The following WEE2 variants were observed in gnomAD, a reference collection of about 807,000 sequenced individuals.
The protein encoded by WEE2 is WEE2 oocyte meiosis inhibiting kinase.
In WEE2, 50 loss-of-function variants were observed where a neutral mutation model predicts 60.1. The observed-to-expected ratio is 0.83, with a 90% CI of 0.66 to 1.05. The LOEUF is 1.05. WEE2 is among the 50% of genes least tolerant of loss of function. WEE2 has a pLI of 0.00. For synonymous variants in WEE2, 240 were observed against 241.0 expected, an observed-to-expected ratio of 1.00 and a Z score of 0.04; for missense variants, 631 against 684.3, an observed-to-expected ratio of 0.92 and a Z score of 0.87.
Position 141,729,665 on chromosome 7 carries a change from G to A in WEE2, c.1670G>A (p.Ser557Asn). The A allele has an allele frequency of 6.2e-7, 1 of 1,610,418 alleles. No homozygotes were observed. Among genetic ancestry groups the A allele is most frequent in the Non-Finnish European group, 8.5e-7 (1 of 1,178,928 alleles). The change falls in exon 11 of 12, where the codon AGC becomes AAC. Residue 557 changes from serine (S) to asparagine (N), a missense_variant. By Grantham distance (46) the Ser-to-Asn change is conservative. Transcript: ENST00000397541. ...GGAGGAAAGAGTGCAAGGTCTTCAA[G>A]CTTTACCTGTGAGTAATCTTCCCCT... Reference protein sequence around the residue: ...LVGGKSARSSSFTSGEREPLH With the variant: ...LVGGKSARSSNFTSGEREPLH
At chr7:141,717,527 G>A (rs1798827414) in intron 3 of WEE2, among the ~76,000 whole-genome samples, 1 of 152,002 alleles carries the variant, frequency 6.6e-6, no homozygotes, top group East Asian at 1.9e-4. Flanking sequence ...ACCCTTTAAG[G>A]AAAAACATCT....
intron 9 of WEE2, 126 bp from the exon 10 acceptor site, chr7:141,727,178 T>C (rs1233178874): frequency 5.9e-6 from 6 of 1,023,690 alleles, no homozygotes; most frequent in South Asian, 3.3e-5. Flanking sequence ...TTCTTTCCTC[T>C]GCACAAAGCA....
chr7:141,716,077 G>A (rs1798789509), intron 2 of WEE2, 145 bp from the exon 3 acceptor site: 1 of 638,938 alleles, frequency 1.6e-6, no homozygotes, highest in Non-Finnish European at 2.6e-6. Context: ...TTCTTGTATT[G>A]AAATTTCCTG....
chr7:141,721,185 T>C, intron 5 of WEE2, 129 bp downstream of exon 5: 1 of 1,056,818 alleles, frequency 9.5e-7, no homozygotes, highest in Non-Finnish European at 1.4e-6. Flanking sequence ...CTGTACTATA[T>C]ATTATAGTCT....
At chr7:141,718,799 G>T (rs1048975512) in intron 3 of WEE2, among the ~76,000 whole-genome samples, 1 of 152,184 alleles carries the variant, frequency 6.6e-6, no homozygotes, top group African/African-American at 2.4e-5. Context: ...ATGTAGAAAA[G>T]AACAGTATGC....
chr7:141,724,139 T>A, intron 7 of WEE2, 51 bp from the exon 8 acceptor site: 1 of 1,586,780 alleles, frequency 6.3e-7, no homozygotes, highest in Non-Finnish European at 8.6e-7. Context: ...AGACATGCTT[T>A]TAAAGCTCTT....
intron 8 of WEE2, among the ~76,000 whole-genome samples, chr7:141,724,613 T>C (rs1798978392): frequency 6.6e-6 from 1 of 152,238 alleles, no homozygotes; most frequent in Non-Finnish European, 1.5e-5. Flanking sequence ...CCATTATCCT[T>C]CTGATAGCAC....
chr7:141,730,364 G>A lies in WEE2; in HGVS notation c.*44G>A, dbSNP rs766894306. On this transcript the variant is annotated 3_prime_UTR_variant, in exon 12 of 12. Transcript: ENST00000397541. ...GCCCTTGGTTTGGCCTATGGATTAC[G>A]AGGTTGCTGTTGCTGATTCCCCACC... 8.2e-6 allele frequency: 13 copies of A among 1,592,010 alleles called. No individual in the cohort carries two copies. The highest frequency in any genetic ancestry group is 4.5e-5 in the South Asian group (4 of 89,676).
intron 4 of WEE2, among the ~76,000 whole-genome samples, chr7:141,720,334 T>C (rs771366429): frequency 5.5e-4 from 84 of 152,202 alleles, no homozygotes; most frequent in Admixed American, 1.1e-3. Flanking sequence ...TCTTCATTTT[T>C]ATACTGAGAT....
Position 141,723,242 on chromosome 7 carries a change from T to G in WEE2, c.989T>G (p.Ile330Ser). ...CAGATTTCCCTTGGCCTTAATTACATCCACAACTCTAGCATGGTACACCTG... is the reference window on the plus strand; with the variant it reads ...CAGATTTCCCTTGGCCTTAATTACAGCCACAACTCTAGCATGGTACACCTG... The part of the protein sequence containing the change: ...LLQISLGLNY[I>S]HNSSMVHLDI... Residue 330 changes from isoleucine to serine, a missense_variant, in exon 6 of 12, where the codon ATC becomes AGC. Coordinates refer to ENST00000397541, the MANE Select transcript of WEE2 (RefSeq NM_001105558.1). 1.2e-6 allele frequency: 2 copies of G among 1,614,128 alleles called. No homozygotes were observed. Among genetic ancestry groups the G allele is most frequent in the Non-Finnish European group, 1.7e-6 (2 of 1,180,018 alleles).
intron 2 of WEE2, 51 bp downstream of exon 2, chr7:141,714,456 A>AGG: frequency 7.6e-7 from 1 of 1,312,236 alleles, no homozygotes; most frequent in Non-Finnish European, 1.1e-6. Flanking sequence ...ACTACAGTCA[A>AGG]GTAGTAAGAA....
chr7:141,714,419 T>C lies in WEE2; in HGVS notation c.539+14T>C, dbSNP rs746153322. The C allele has an allele frequency of 5.7e-6, 9 of 1,589,494 alleles. No homozygotes were observed. Among genetic ancestry groups the C allele is most frequent in the East Asian group, 2.2e-5 (1 of 44,712 alleles). On this transcript the variant is annotated intron_variant, in intron 2 of 11. Transcript: ENST00000397541. ...AAGAGGAGATCTGTAAGTGCTCTAT[T>C]ACTTATGACTTTTGAGAACTGACCC...
intron 9 of WEE2, among the ~76,000 whole-genome samples, chr7:141,726,621 C>T (rs1018904495): frequency 3.3e-5 from 5 of 152,104 alleles, no homozygotes; most frequent in Non-Finnish European, 5.9e-5. Flanking sequence ...TGGCCCTGTA[C>T]TAGATAAGAC....
At chr7:141,718,271 A>C (rs905798814) in intron 3 of WEE2, among the ~76,000 whole-genome samples, 1 of 152,144 alleles carries the variant, frequency 6.6e-6, no homozygotes, top group Non-Finnish European at 1.5e-5. Context: ...GATTCATATA[A>C]ATTTATGGAG....
chr7:141,724,792 C>G (rs1321293353), intron 8 of WEE2, among the ~76,000 whole-genome samples: 1 of 152,208 alleles, frequency 6.6e-6, no homozygotes, highest in Non-Finnish European at 1.5e-5. Context: ...CTGAGCCTGA[C>G]AGCAAAATGG....
chr7:141,721,636 T>C (rs1798913241), intron 5 of WEE2, among the ~76,000 whole-genome samples: 1 of 151,506 alleles, frequency 6.6e-6, no homozygotes, highest in Non-Finnish European at 1.5e-5. Flanking sequence ...TTTTTTGTAT[T>C]TTTTTTTAAT....
At chr7:141,721,085 A>G (rs1798901306) in intron 5 of WEE2, 29 bp downstream of exon 5, 1 of 1,612,924 alleles carries the variant, frequency 6.2e-7, no homozygotes, top group Non-Finnish European at 8.5e-7. Context: ...AATAACTACG[A>G]AGAGGGAGAT....
At chr7:141,720,386 C>G (rs543151303) in intron 4 of WEE2, among the ~76,000 whole-genome samples, 3 of 152,122 alleles carry the variant, frequency 2.0e-5, no homozygotes, top group Non-Finnish European at 4.4e-5. Flanking sequence ...TTGGGATTTT[C>G]TATTCCATAA....
At position 141,731,083 on chromosome 7, in the gene WEE2, T is replaced by G. The variant is rs955500767; in HGVS notation, c.*763T>G. On this transcript the variant is annotated 3_prime_UTR_variant, in exon 12 of 12. Coordinates refer to ENST00000397541, the MANE Select transcript of WEE2 (RefSeq NM_001105558.1). ...GTCTCAGCTTCACAGTTCCAACAGT[T>G]AATGATGGTCAGGATCTGCTAGAAA... The G allele has an allele frequency of 6.6e-6, 1 of 152,150 alleles. No individual in the cohort carries two copies. The highest frequency in any genetic ancestry group is 2.4e-5 in the African/African-American group (1 of 41,426). 9.4% of individuals were successfully genotyped at this position (152,150 alleles called of 1,614,324 possible). A position where few individuals can be genotyped will look rare whatever the true frequency, so the allele number is the denominator to read the frequency against.
Sources: gnomAD v4.1 joint callset for allele counts (sites outside exome capture counted in the v4.1 genomes callset) on GRCh38, gnomAD v4.1.1 for gene constraint, MANE v1.5 for transcripts, NCBI Gene and HGNC (gene_info 2026-07-23, HGNC 2026-07-21) for gene names.